The following EHMT2 variants were observed in gnomAD, a reference collection of about 807,000 sequenced individuals.
EHMT2 encodes the protein euchromatic histone lysine methyltransferase 2, also known as histone-lysine N-methyltransferase EHMT2.
A neutral mutation model predicts 143.3 loss-of-function variants in EHMT2; 59 were observed. The observed-to-expected ratio is 0.41, with a 90% CI of 0.33 to 0.51. The LOEUF (loss-of-function observed/expected upper bound fraction) is 0.51. Among genes scored for constraint, EHMT2 ranks in the 20% least tolerant of loss-of-function variants. The pLI is 0.18. For missense variants in EHMT2, 1,174 were observed against 1,645.9 expected (o/e 0.71, Z 4.96); for synonymous variants, 604 against 651.5 (o/e 0.93, Z 1.11).
intron 7 of EHMT2, among the ~76,000 whole-genome samples, chr6:31,891,853 G>T (rs1172322999): frequency 4.0e-5 from 6 of 151,890 alleles, no homozygotes; most frequent in Non-Finnish European, 8.8e-5. Flanking sequence ...CTGTTAAATG[G>T]TCATTTCATT....
Position 31,896,837 on chromosome 6 carries a change from A to AG in EHMT2, c.110-14dup, listed in dbSNP as rs779658943. 4.5e-5 allele frequency: 72 copies of AG among 1,612,668 alleles called. No homozygotes were observed. In the East Asian group the frequency reaches 1.6e-3, roughly 35 times the overall value. Reference sequence around the variant, plus strand: ...AAAGAGCCATGAACTGTAGAGGAAGAGAAAAAGTTCAGAGCTAAGGGCTCA... The same window carrying AG: ...AAAGAGCCATGAACTGTAGAGGAAGAGGAAAAAGTTCAGAGCTAAGGGCTCA... On this transcript the variant is annotated splice_polypyrimidine_tract_variant and intron_variant, in intron 2 of 27. Transcript: ENST00000375537.
Position 31,884,856 on chromosome 6 carries a change from C to G in EHMT2, c.2448+56G>C, listed in dbSNP as rs1249086102. The G allele has an allele frequency of 6.3e-7, 1 of 1,580,212 alleles. No homozygotes were observed. Among genetic ancestry groups the G allele is most frequent in the Non-Finnish European group, 8.6e-7 (1 of 1,157,132 alleles). On this transcript the variant is annotated intron_variant, in intron 19 of 27. Transcript: ENST00000375537. The surrounding 1 kb of genome is among the most constrained non-coding windows in gnomAD (Gnocchi z 7.3). ...CAGGCAGCTGGGCCCTTGAATCCAG[C>G]CTCCACCTTGCTCAGGGGCCTGGGG...
Position 31,883,378 on chromosome 6 carries a change from C to T in EHMT2, c.2978G>A (p.Arg993Gln), listed in dbSNP as rs1487585765. 6 of 1,612,824 alleles carry T rather than the reference C, an allele frequency of 3.7e-6. No homozygotes were observed. The highest frequency in any genetic ancestry group is 4.2e-6 in the Non-Finnish European group (5 of 1,179,974). ...GGCACGCACCTTGTCATACCAGCAC[C>T]GGATGCTGAGCTGGCCGCACAGGCA... is the stretch of plus-strand genomic sequence containing the variant. The change falls in exon 23 of 28, where the codon CGG (arginine) becomes CAG (glutamine). Residue 993 changes from arginine to glutamine, a missense_variant. Around this residue, in one of 6 missense-constraint regions of EHMT2, gnomAD observed 78 missense variants for 144.0 expected, o/e 0.54. Transcript: ENST00000375537. This position sits in a 1 kb window ranked among gnomAD's most constrained non-coding sequence, Gnocchi z 5.6.
At chr6:31,895,818 A>T (rs1385919621) in intron 4 of EHMT2, 1 of 164,468 alleles carries the variant, frequency 6.1e-6, no homozygotes, top group Admixed American at 6.3e-5. Context: ...CAAGAACCCT[A>T]GAACTTGGTC....
In EHMT2 at chr6:31,888,350, AC is replaced by A; in HGVS notation, c.1509+12del. The A allele has an allele frequency of 6.2e-7, 1 of 1,612,182 alleles. No individual in the cohort carries two copies. Among genetic ancestry groups the A allele is most frequent in the Non-Finnish European group, 8.5e-7 (1 of 1,179,556 alleles). ...ACAGGGCATGCTACCTGTCTGCCCC[AC>A]TGGTCACTCACCGCCGTGCAGAAGT... On this transcript the variant is annotated intron_variant, in intron 12 of 27. Transcript: ENST00000375537. This position sits in a 1 kb window ranked among gnomAD's most constrained non-coding sequence, Gnocchi z 7.4.
Position 31,888,221 on chromosome 6 carries a change from G to T in EHMT2, c.1565C>A (p.Ala522Asp). ...CATCCCATTCAGCTGAGACACACAG[G>T]CCTTGTGGAAGCGGTGGGCCACACG... Residue 522 changes from alanine to aspartate, a missense_variant, in exon 13 of 28, where the codon GCC becomes GAC. Ala to Asp is a moderately radical substitution (Grantham distance 126). This residue lies in a region of EHMT2 where 608 missense variants were observed against 903.7 expected (regional missense o/e 0.67). Transcript: ENST00000375537. This position sits in a 1 kb window ranked among gnomAD's most constrained non-coding sequence, Gnocchi z 7.4. The T allele has an allele frequency of 6.2e-7, 1 of 1,613,008 alleles. No homozygotes were observed. Among genetic ancestry groups the T allele is most frequent in the Middle Eastern group, 1.7e-4 (1 of 6,060 alleles).
Position 31,889,175 on chromosome 6 carries a change from TG to T in EHMT2, c.1114+52del. On this transcript the variant is annotated intron_variant, in intron 9 of 27. Transcript: ENST00000375537. This position sits in a 1 kb window ranked among gnomAD's most constrained non-coding sequence, Gnocchi z 5.1. ...AGCGTGTGTGTGCGTGCACACACTC[TG>T]GGGGGCCGGGCGGGGGCTGGAGGGC... The T allele has an allele frequency of 6.4e-7, 1 of 1,559,960 alleles. No individual in the cohort carries two copies. The highest frequency in any genetic ancestry group is 8.7e-7 in the Non-Finnish European group (1 of 1,149,408).
Position 31,889,531 on chromosome 6 carries a change from C to T in EHMT2, c.936G>A (p.Glu312=). 2 of 1,611,216 alleles carry T rather than the reference C, an allele frequency of 1.2e-6. No individual in the cohort carries two copies. The highest frequency in any genetic ancestry group is 8.5e-7 in the Non-Finnish European group (1 of 1,178,960). ...CTTCTTCCTCTTCCTCCTCCTCTTCCTCTTCTTCTTCTTCCTCCTCTTCCT... is the reference window on the plus strand; with the variant it reads ...CTTCTTCCTCTTCCTCCTCCTCTTCTTCTTCTTCTTCTTCCTCCTCTTCCT... The change falls in exon 8 of 28, where the codon GAG becomes GAA. Residue 312 remains glutamate, a synonymous_variant. Coordinates refer to ENST00000375537, the Ensembl canonical transcript of EHMT2. The surrounding 1 kb of genome is among the most constrained non-coding windows in gnomAD (Gnocchi z 5.1).
rs142606173 is a variant in EHMT2 at position 31,887,829 on chromosome 6, C to A, written c.1878G>T (p.Gly626=). Residue 626 remains glycine, a synonymous_variant, in exon 14 of 28, where the codon GGG becomes GGT. Transcript: ENST00000375537. ...CCTTTTCCAGGGCCTCCCGGCCTGG[C>A]CCCAGTGGCAGCCCCACGGCTGAAA... The A allele has an allele frequency of 6.3e-4, 1,006 of 1,609,388 alleles. 4 individuals carry two copies. In the African/African-American group the frequency reaches 7.5e-3, roughly 12 times the overall value.
rs375586180 is a variant in EHMT2, at chr6:31,884,746, G to A, written c.2502C>T (p.Ala834=). The A allele has an allele frequency of 7.0e-5, 112 of 1,601,664 alleles. No homozygotes were observed. Among genetic ancestry groups the A allele is most frequent in the Non-Finnish European group, 8.9e-5 (104 of 1,174,588 alleles). The change falls in exon 20 of 28, where the codon GCC becomes GCT. Residue 834 remains alanine (A), a synonymous_variant. Transcript: ENST00000375537. The surrounding 1 kb of genome is among the most constrained non-coding windows in gnomAD (Gnocchi z 7.3). Reference sequence around the variant, plus strand: ...CACAGCGCGCATTCAGAAGGACTTCGGCGATGGCGGCGCTGCCCGTGAAGG... The same window carrying A: ...CACAGCGCGCATTCAGAAGGACTTCAGCGATGGCGGCGCTGCCCGTGAAGG...
chr6:31,889,388 G>T lies in EHMT2; in HGVS notation c.1000-46C>A. Reference sequence around the variant, plus strand: ...GAGTTAGGAACCCTCACCCCCAGGGGCCCCCCCAACACCTTCAGGACCAGA... The same window carrying T: ...GAGTTAGGAACCCTCACCCCCAGGGTCCCCCCCAACACCTTCAGGACCAGA... On this transcript the variant is annotated intron_variant, in intron 8 of 27. Transcript: ENST00000375537. The surrounding 1 kb of genome is among the most constrained non-coding windows in gnomAD (Gnocchi z 5.1). The T allele has an allele frequency of 6.2e-7, 1 of 1,607,740 alleles. No homozygotes were observed.
intron 18 of EHMT2, 153 bp downstream of exon 18, chr6:31,886,428 T>C (rs1223539123): frequency 3.2e-6 from 2 of 628,312 alleles, no homozygotes; most frequent in Non-Finnish European, 5.5e-6. Context: ...AAGAAAAGAA[T>C]GAAGAGAAAT....
chr6:31,893,325 T>C (rs1368371325), intron 4 of EHMT2: 2 of 442,502 alleles, frequency 4.5e-6, no homozygotes, highest in African/African-American at 2.0e-5. Context: ...AAAGGAAAGA[T>C]ATACTTTTTT....
chr6:31,889,654 G>A lies in EHMT2; in HGVS notation c.865-52C>T. On this transcript the variant is annotated intron_variant, in intron 7 of 27. Transcript: ENST00000375537. The surrounding 1 kb of genome is among the most constrained non-coding windows in gnomAD (Gnocchi z 5.1). ...CCAACCCCCAGGACTCAGACAATGA[G>A]GTGAGTAAAGAAAACCACCACCACC... The A allele has an allele frequency of 2.5e-6, 4 of 1,601,122 alleles. No individual in the cohort carries two copies. The highest frequency in any genetic ancestry group is 1.7e-4 in the Middle Eastern group (1 of 6,048).
intron 18 of EHMT2, 143 bp downstream of exon 18, chr6:31,886,438 T>G: frequency 1.5e-6 from 1 of 646,206 alleles, no homozygotes. Context: ...TGAAGAGAAA[T>G]ACAAATGAGG....
Position 31,888,763 on chromosome 6 carries a change from AGAG to A in EHMT2, c.1217-19_1217-17del, listed in dbSNP as rs762506005. ...TTGGACACCCCTTGGATGGAGGAAA[AGAG>A]GAGCTGAGGGAGGCTCTGCACCTCA... On this transcript the variant is annotated splice_polypyrimidine_tract_variant and intron_variant, in intron 10 of 27. Coordinates refer to ENST00000375537, the Ensembl canonical transcript of EHMT2. This position sits in a 1 kb window ranked among gnomAD's most constrained non-coding sequence, Gnocchi z 7.4. The A allele has an allele frequency of 5.6e-6, 9 of 1,611,178 alleles. No homozygotes were observed. The highest frequency in any genetic ancestry group is 3.3e-5 in the South Asian group (3 of 91,026).
Position 31,886,917 on chromosome 6 carries a change from C to G in EHMT2, c.2119-20G>C, listed in dbSNP as rs1326815135. 1 of 1,613,914 alleles carries G rather than the reference C, an allele frequency of 6.2e-7. No individual in the cohort carries two copies. The highest frequency in any genetic ancestry group is 8.5e-7 in the Non-Finnish European group (1 of 1,180,010). On this transcript the variant is annotated intron_variant, in intron 16 of 27. Transcript: ENST00000375537. ...TCCAGCCTGTGAGGGGGCAGGAGGG[C>G]TGGCACCAGGGAGGCATGGGGCAGG...
exon 28 of EHMT2, chr6:31,879,891 G>A (rs972021648): frequency 1.5e-6 from 1 of 657,228 alleles, no homozygotes; most frequent in Non-Finnish European, 2.5e-6. Context: ...CCCTCCCAGG[G>A]AGGAACCAGC....
At chr6:31,885,844 TGCTTCTGGCCGGGC>T (rs1253475422) in intron 18 of EHMT2, 1 of 152,132 alleles carries the variant, frequency 6.6e-6, no homozygotes, top group Non-Finnish European at 1.5e-5. Flanking sequence ...CTCTAAAAAA[TGCTTCTGGCCGGGC>T]GCTGTGGCTC....
Sources: gnomAD v4.1 joint callset for allele counts (sites outside exome capture counted in the v4.1 genomes callset) on GRCh38, gnomAD v4.1.1 for gene constraint, gnomAD v4.1.1 regional missense constraint, Gnocchi (gnomAD v3.1) non-coding constraint, MANE v1.5 for transcripts, NCBI Gene and HGNC (gene_info 2026-07-23, HGNC 2026-07-21) for gene names.